The following CACNA2D1 variants were observed in gnomAD, a reference collection of about 807,000 sequenced individuals.
The protein encoded by CACNA2D1 is calcium voltage-gated channel auxiliary subunit alpha2delta 1, also known as voltage-dependent calcium channel subunit alpha-2/delta-1.
A neutral mutation model predicts 171.5 loss-of-function variants in CACNA2D1; 53 were observed. That is an observed-to-expected ratio of 0.31 (90% CI 0.25 to 0.39). The LOEUF (loss-of-function observed/expected upper bound fraction) is 0.39, where lower values mean the gene tolerates loss of function less well. Ranked by LOEUF, CACNA2D1 falls within the 10% of genes least tolerant of loss-of-function variation. The pLI is 1.00. For missense variants in CACNA2D1, 903 were observed against 1,299.8 expected (o/e 0.69, Z 4.69); for synonymous variants, 442 against 443.1 (o/e 1.00, Z 0.03).
intron 3 of CACNA2D1, among the ~76,000 whole-genome samples, chr7:82,253,990 A>C (rs2129319971): frequency 6.6e-6 from 1 of 152,312 alleles, no homozygotes; most frequent in African/African-American, 2.4e-5. Context: ...ACAAAGCATT[A>C]AAAGTTGATG....
chr7:82,173,592 G>T (rs3801721), intron 3 of CACNA2D1, among the ~76,000 whole-genome samples: 21,029 of 151,724 alleles, frequency 0.14, 2,040 homozygotes, highest in African/African-American at 0.26. Context: ...AGAGTCAACA[G>T]TCACTGGGTG....
At chr7:81,975,340 T>A (rs571673380) in intron 24 of CACNA2D1, among the ~76,000 whole-genome samples, 1 of 152,258 alleles carries the variant, frequency 6.6e-6, no homozygotes, top group Non-Finnish European at 1.5e-5. Flanking sequence ...ACCATTATTT[T>A]AAAAAATATT....
At chr7:82,330,255 C>T (rs1817153814) in intron 3 of CACNA2D1, among the ~76,000 whole-genome samples, 1 of 151,940 alleles carries the variant, frequency 6.6e-6, no homozygotes, top group African/African-American at 2.4e-5. Flanking sequence ...AACAAGCTAG[C>T]ACATAAGGCA....
chr7:82,264,507 A>C (rs1361086466), intron 3 of CACNA2D1, among the ~76,000 whole-genome samples: 2 of 152,236 alleles, frequency 1.3e-5, no homozygotes, highest in Non-Finnish European at 2.9e-5. Context: ...GTGAGAGAGT[A>C]AAAGAAAAGC....
chr7:82,256,030 A>G (rs1343727306), intron 3 of CACNA2D1, among the ~76,000 whole-genome samples: 1 of 152,194 alleles, frequency 6.6e-6, no homozygotes, highest in East Asian at 1.9e-4. Context: ...TAATCCCAGC[A>G]TTTTGAGAGG....
intron 12 of CACNA2D1, chr7:82,029,412 G>T (rs1802370402): frequency 6.6e-6 from 1 of 151,610 alleles, no homozygotes; most frequent in African/African-American, 2.4e-5. Flanking sequence ...TCACTCTATT[G>T]TGGTTGTGGT....
intron 3 of CACNA2D1, among the ~76,000 whole-genome samples, chr7:82,309,301 G>A (rs1478133137): frequency 6.6e-6 from 1 of 152,076 alleles, no homozygotes; most frequent in Non-Finnish European, 1.5e-5. Flanking sequence ...AGCAACTCAG[G>A]AGGTTGAGGC....
intron 4 of CACNA2D1, among the ~76,000 whole-genome samples, chr7:82,153,854 A>C (rs868126513): frequency 1.3e-5 from 2 of 152,046 alleles, no homozygotes; most frequent in African/African-American, 4.8e-5. Flanking sequence ...ATAAAAAAAA[A>C]ACACCCATTG....
chr7:82,060,190 T>TTATATATATATAA (rs1200905155), intron 10 of CACNA2D1, among the ~76,000 whole-genome samples: 1 of 13,128 alleles, frequency 7.6e-5, no homozygotes, highest in African/African-American at 1.4e-4. Context: ...TATATATATA[T>TTATATATATATAA]TATATATATA....
In CACNA2D1 at chr7:82,213,723, G is replaced by A. The variant is rs1201463818; in HGVS notation, c.295-43114C>T. Among the ~76,000 whole-genome samples the A allele has an allele frequency of 5.9e-5, 9 of 152,068 alleles. 1 individual carries two copies. Among genetic ancestry groups the A allele is most frequent in the African/African-American group, 2.2e-4 (9 of 41,392 alleles). On this transcript the variant is annotated intron_variant, in intron 3 of 38. Coordinates refer to ENST00000356860, the MANE Select transcript of CACNA2D1 (RefSeq NM_000722.4). ...TCCTCATCTTTTGTCAATCTCTGCT[G>A]GCACCTGGCTGACTTGTCACGCTGA...
intron 3 of CACNA2D1, among the ~76,000 whole-genome samples, chr7:82,208,783 A>G (rs1203877398): frequency 6.6e-6 from 1 of 152,166 alleles, no homozygotes; most frequent in African/African-American, 2.4e-5. Flanking sequence ...CATGGTGACT[A>G]TAGTTAACAA....
intron 3 of CACNA2D1, among the ~76,000 whole-genome samples, chr7:82,192,401 T>TATAG (rs1798391544): frequency 1.3e-3 from 1 of 782 alleles, no homozygotes; most frequent in African/African-American, 9.3e-3. Flanking sequence ...ACAGGGGAAA[T>TATAG]ATATATATAT....
chr7:81,970,624 G>A, intron 27 of CACNA2D1, 51 bp downstream of exon 27: 1 of 950,944 alleles, frequency 1.1e-6, no homozygotes, highest in East Asian at 2.4e-5. Context: ...ACAAATCCTT[G>A]GCGCAGTCTT....
chr7:82,236,655 T>A (rs1201857992), intron 3 of CACNA2D1, among the ~76,000 whole-genome samples: 1 of 152,102 alleles, frequency 6.6e-6, no homozygotes, highest in African/African-American at 2.4e-5. Context: ...AATGGAGAAT[T>A]CAACCAAAGC....
At chr7:82,154,282 G>C (rs775273515) in intron 4 of CACNA2D1, among the ~76,000 whole-genome samples, 13 of 152,102 alleles carry the variant, frequency 8.5e-5, no homozygotes, top group African/African-American at 1.4e-4. Context: ...TTAAATATTT[G>C]TCAGCAGAAC....
intron 3 of CACNA2D1, among the ~76,000 whole-genome samples, chr7:82,303,744 A>G (rs1471743730): frequency 6.6e-6 from 1 of 152,156 alleles, no homozygotes; most frequent in Non-Finnish European, 1.5e-5. Context: ...TAAATGTAAG[A>G]TCCAAAACTA....
chr7:82,385,149 G>C (rs1426446191), intron 1 of CACNA2D1, among the ~76,000 whole-genome samples: 1 of 152,162 alleles, frequency 6.6e-6, no homozygotes. Context: ...GGAGGAGCAC[G>C]ATTGTATGTT....
intron 1 of CACNA2D1, among the ~76,000 whole-genome samples, chr7:82,420,981 A>G (rs528033600): frequency 4.6e-5 from 7 of 152,210 alleles, no homozygotes; most frequent in African/African-American, 1.4e-4. Context: ...CCATCCCTCA[A>G]TCTAACACAC....
chr7:82,294,150 G>A (rs1354755558), intron 3 of CACNA2D1, among the ~76,000 whole-genome samples: 1 of 151,978 alleles, frequency 6.6e-6, no homozygotes, highest in African/African-American at 2.4e-5. Context: ...CTAGTAAACT[G>A]AACTATTTTA....
Sources: gnomAD v4.1 joint callset for allele counts (sites outside exome capture counted in the v4.1 genomes callset) on GRCh38, gnomAD v4.1.1 for gene constraint, MANE v1.5 for transcripts, NCBI Gene and HGNC (gene_info 2026-07-23, HGNC 2026-07-21) for gene names.